The following APPL2 variants were observed in gnomAD, a reference collection of about 807,000 sequenced individuals.
The protein encoded by APPL2 is adaptor protein, phosphotyrosine interacting with PH domain and leucine zipper 2.
In APPL2, 84 loss-of-function variants were observed where a neutral mutation model predicts 92.7. That is an observed-to-expected ratio of 0.91 (90% CI 0.76 to 1.09). The LOEUF (loss-of-function observed/expected upper bound fraction) is 1.09, where lower values mean the gene tolerates loss of function less well. APPL2 is among the 50% of genes least tolerant of loss of function. The probability of loss-of-function intolerance (pLI) is 0.00; values close to 1 mark genes in which losing one functional copy is unlikely to be tolerated. For missense variants in APPL2, 736 were observed against 824.5 expected, an observed-to-expected ratio of 0.89 and a Z score of 1.31; for synonymous variants, 291 against 291.0, an observed-to-expected ratio of 1.00 and a Z score of 0.00.
At chr12:105,195,183 T>A (rs1225666986) in intron 14 of APPL2, 78 bp downstream of exon 14, 1 of 1,427,370 alleles carries the variant, frequency 7.0e-7, no homozygotes, top group Non-Finnish European at 9.8e-7. Flanking sequence ...TTTGTGTGGA[T>A]TAAGCAACAA....
At chr12:105,215,586 AAATGCAATCAGTACAGT>A (rs1328683401) in intron 4 of APPL2, among the ~76,000 whole-genome samples, 2 of 152,236 alleles carry the variant, frequency 1.3e-5, no homozygotes, top group Non-Finnish European at 2.9e-5. Context: ...GAATAAACGA[AAATGCAATCAGTACAGT>A]TTTATATGAA....
chr12:105,198,002 G>A lies in APPL2; in HGVS notation c.864-49C>T. Reference sequence around the variant, plus strand: ...CCATTAGTACCAGAAAGCACCAGCGGCCACCTCCAAGTCTTGCTACCTCGT... The same window carrying A: ...CCATTAGTACCAGAAAGCACCAGCGACCACCTCCAAGTCTTGCTACCTCGT... On this transcript the variant is annotated intron_variant, in intron 10 of 20. Coordinates refer to ENST00000258530, the MANE Select transcript of APPL2 (RefSeq NM_018171.5). The A allele has an allele frequency of 1.3e-6, 2 of 1,575,262 alleles. 1 individual carries two copies. The highest frequency in any genetic ancestry group is 2.3e-5 in the South Asian group (2 of 88,174).
chr12:105,198,000 C>T (rs140953396), intron 10 of APPL2, 47 bp from the exon 11 acceptor site: 24 of 1,576,050 alleles, frequency 1.5e-5, no homozygotes, highest in African/African-American at 1.2e-4. Flanking sequence ...AAAGCACCAG[C>T]GGCCACCTCC....
intron 20 of APPL2, among the ~76,000 whole-genome samples, chr12:105,175,501 T>G (rs1885444574): frequency 6.6e-6 from 1 of 152,224 alleles, no homozygotes; most frequent in South Asian, 2.1e-4. Flanking sequence ...TCATTTCCAT[T>G]ATTGCAGAAA....
At position 105,225,037 on chromosome 12, in the gene APPL2, C is replaced by T. The variant is rs1890389059; in HGVS notation, c.153+4088G>A. On this transcript the variant is annotated intron_variant, in intron 2 of 20. Transcript: ENST00000258530. ...GATCAGTAGTTCTGTATTCTGAAAG[C>T]TTTGGTTAAGAACGACTGCAGACAT... 3.3e-5 allele frequency among the ~76,000 whole-genome samples: 5 copies of T among 151,482 alleles called. No individual in the cohort carries two copies. In the South Asian group the frequency reaches 1.0e-3, roughly 32 times the overall value.
intron 7 of APPL2, 30 bp downstream of exon 7, chr12:105,207,941 A>G (rs898080792): frequency 3.8e-6 from 6 of 1,589,692 alleles, no homozygotes; most frequent in Non-Finnish European, 5.2e-6. Flanking sequence ...ATGTAAATGA[A>G]GTGAAAAACA....
Position 105,176,861 on chromosome 12 carries a change from A to C in APPL2, c.1812+15T>G, listed in dbSNP as rs1885591898. Reference sequence around the variant, plus strand: ...TGGACTGGGATATTATGGGATCTTCACATGAAAAAGAGACCTTTTCGCCTT... The same window carrying C: ...TGGACTGGGATATTATGGGATCTTCCCATGAAAAAGAGACCTTTTCGCCTT... On this transcript the variant is annotated intron_variant, in intron 19 of 20. Coordinates refer to ENST00000258530, the MANE Select transcript of APPL2 (RefSeq NM_018171.5). The C allele has an allele frequency of 1.2e-6, 2 of 1,612,108 alleles. No homozygotes were observed. The highest frequency in any genetic ancestry group is 1.3e-5 in the African/African-American group (1 of 74,792).
intron 16 of APPL2, 98 bp from the exon 17 acceptor site, chr12:105,188,545 G>A (rs1248078639): frequency 7.4e-7 from 1 of 1,350,996 alleles, no homozygotes; most frequent in Admixed American, 2.3e-5. Context: ...TGCTTTCTGT[G>A]GAGGACTTTC....
intron 18 of APPL2, 23 bp downstream of exon 18, chr12:105,177,203 A>G (rs73179990): frequency 0.1 from 164,169 of 1,612,342 alleles, 9,469 homozygotes; most frequent in African/African-American, 0.22. Context: ...AATCACTAAC[A>G]TGAACCTGTA....
At chr12:105,193,955 C>CAGTT (rs1432989657) in intron 14 of APPL2, among the ~76,000 whole-genome samples, 1 of 152,204 alleles carries the variant, frequency 6.6e-6, no homozygotes, top group Admixed American at 6.5e-5. Flanking sequence ...CAGGTCTTTC[C>CAGTT]AGTTAGACTC....
intron 17 of APPL2, 173 bp from the exon 18 acceptor site, chr12:105,177,435 G>A (rs1885663091): frequency 1.6e-6 from 1 of 641,472 alleles, no homozygotes; most frequent in South Asian, 1.9e-5. Flanking sequence ...TGCCTTTAAG[G>A]AACCTGTGTA....
Position 105,199,370 on chromosome 12 carries a change from C to A in APPL2, c.863+3G>T, listed in dbSNP as rs1485709655. The stretch of plus-strand genomic sequence containing the variant: ...AAAAAGAGGCAGACGGTGGCGTTCT[C>A]ACTTTCTAAGATTAAGGTAACCAGC... On this transcript the variant is annotated splice_donor_region_variant and intron_variant, in intron 10 of 20. Coordinates refer to ENST00000258530, the MANE Select transcript of APPL2 (RefSeq NM_018171.5). The A allele has an allele frequency of 6.2e-7, 1 of 1,607,028 alleles. No individual in the cohort carries two copies.
intron 7 of APPL2, 66 bp from the exon 8 acceptor site, chr12:105,207,273 T>C (rs2136006406): frequency 6.8e-7 from 1 of 1,476,966 alleles, no homozygotes; most frequent in Non-Finnish European, 9.1e-7. Context: ...TAAAAGCGTG[T>C]GCTTCAAAAT....
chr12:105,177,328 G>A (rs1885649179), intron 17 of APPL2, 66 bp from the exon 18 acceptor site: 2 of 1,501,338 alleles, frequency 1.3e-6, no homozygotes, highest in Admixed American at 1.7e-5. Context: ...AGAAGAGTTT[G>A]TAGAAGTCCA....
Position 105,174,134 on chromosome 12 carries a change from C to T in APPL2, c.*180G>A, listed in dbSNP as rs1020406017. ...AAATAACATTGTAGATGGGTGGGAA[C>T]GCTGTCAACCATTTCTTAGTTTCCC... On this transcript the variant is annotated 3_prime_UTR_variant, in exon 21 of 21. Transcript: ENST00000258530. 20 of 673,036 alleles carry T rather than the reference C, an allele frequency of 3.0e-5. No individual in the cohort carries two copies. The highest frequency in any genetic ancestry group is 2.0e-4 in the African/African-American group (11 of 53,752). 41.7% of individuals were successfully genotyped at this position (673,036 alleles called of 1,614,324 possible).
Position 105,225,948 on chromosome 12 carries a change from AGC to A in APPL2, c.153+3175_153+3176del, listed in dbSNP as rs557243594. 1.6e-3 allele frequency among the ~76,000 whole-genome samples: 241 copies of A among 152,374 alleles called. 2 individuals carry two copies. The highest frequency in any genetic ancestry group is 5.7e-3 in the African/African-American group (237 of 41,586). On this transcript the variant is annotated intron_variant, in intron 2 of 20. Transcript: ENST00000258530. Reference sequence around the variant, plus strand: ...CTTTTATGAACACTTATCATTTATCAGCAGCGTAAGCCTGCTTTTGAAAATAT... The same window carrying A: ...CTTTTATGAACACTTATCATTTATCAAGCGTAAGCCTGCTTTTGAAAATAT...
chr12:105,190,051 G>A lies in APPL2; in HGVS notation c.1346C>T (p.Pro449Leu), dbSNP rs765086628. 2.3e-5 allele frequency: 37 copies of A among 1,614,004 alleles called. No homozygotes were observed. The East Asian group carries it at 2.5e-4, about 11-fold the overall frequency. ...AGGAAGCACAATATCGAATTGAATC[G>A]GCGTTCCAGGCGCGATCAGCTCCTC... ...EAEELIAPGT[P>L]IQFDIVLPAT... The change falls in exon 15 of 21, where the codon CCG (proline) becomes CTG (leucine). Residue 449 changes from proline to leucine, a missense_variant. Physicochemically the swap from Pro to Leu is moderately conservative, Grantham distance 98. Transcript: ENST00000258530.
At chr12:105,226,707 C>T (rs1286780174) in intron 2 of APPL2, among the ~76,000 whole-genome samples, 2 of 152,158 alleles carry the variant, frequency 1.3e-5, no homozygotes, top group African/African-American at 2.4e-5. Flanking sequence ...GGTATAAGCC[C>T]AGTAAGAACA....
At position 105,207,983 on chromosome 12, in the gene APPL2, C is replaced by A; in HGVS notation, c.462G>T (p.Lys154Asn). ...AAAGTATTCTTACCTTCTCATTCTC[C>A]TTTTTCTTAGGCAGCCTGCTGTATT... Reference protein sequence around the residue: ...MAKYSRLPKKKENEKVKTEVG... With the variant: ...MAKYSRLPKKNENEKVKTEVG... Residue 154 changes from lysine (K) to asparagine (N), a missense_variant, in exon 7 of 21, where the codon AAG (lysine) becomes AAT (asparagine). By Grantham distance (94) the Lys-to-Asn change is moderately conservative (BLOSUM62 0). Coordinates refer to ENST00000258530, the MANE Select transcript of APPL2 (RefSeq NM_018171.5). The A allele has an allele frequency of 1.2e-6, 2 of 1,613,756 alleles. No individual in the cohort carries two copies. The highest frequency in any genetic ancestry group is 1.7e-6 in the Non-Finnish European group (2 of 1,179,650).
Sources: gnomAD v4.1 joint callset for allele counts (sites outside exome capture counted in the v4.1 genomes callset) on GRCh38, gnomAD v4.1.1 for gene constraint, MANE v1.5 for transcripts, NCBI Gene and HGNC (gene_info 2026-07-23, HGNC 2026-07-21) for gene names.